ZNF365: variants seen among roughly 807,000 people sequenced by gnomAD.
ZNF365 encodes the protein zinc finger protein 365.
ZNF365 carries 22 observed loss-of-function variants against 35.0 expected under a neutral mutation model. That is an observed-to-expected ratio of 0.63 (90% CI 0.45 to 0.90). The LOEUF (loss-of-function observed/expected upper bound fraction) is 0.90. ZNF365 is among the 40% of genes least tolerant of loss of function. The pLI is 0.00. For missense variants in ZNF365, 448 were observed against 500.3 expected (o/e 0.90, Z 1.00); for synonymous variants, 188 against 196.2 (o/e 0.96, Z 0.35).
rs1839836244 is a variant in ZNF365 at position 62,401,907 on chromosome 10, A to G, written c.*2118A>G. Reference sequence around the variant, plus strand: ...AGACGAATTATTTTGAGATTTGTTTATTATATTAAAATGTTTTTTTACGTT... The same window carrying G: ...AGACGAATTATTTTGAGATTTGTTTGTTATATTAAAATGTTTTTTTACGTT... On this transcript the variant is annotated 3_prime_UTR_variant, in exon 5 of 5. Transcript: ENST00000395254. 3 of 985,138 alleles carry G rather than the reference A, an allele frequency of 3.0e-6. No individual in the cohort carries two copies. The South Asian group carries it at 1.4e-4, about 46-fold the overall frequency. The allele number at this position is 985,138 out of a possible 1,614,324, so 61.0% of individuals were successfully genotyped here.
intron 3 of ZNF365, among the ~76,000 whole-genome samples, chr10:62,418,040 C>T (rs1171295272): frequency 6.6e-6 from 1 of 151,570 alleles, no homozygotes; most frequent in Non-Finnish European, 1.5e-5. Flanking sequence ...ACATAATAAA[C>T]AATTTAAATG....
chr10:62,449,099 A>C (rs1454912791), intron 3 of ZNF365, among the ~76,000 whole-genome samples: 1 of 152,206 alleles, frequency 6.6e-6, no homozygotes, highest in Non-Finnish European at 1.5e-5. Flanking sequence ...GAAAGCTTTC[A>C]ATTATTTGAG....
chr10:62,420,699 T>G (rs7073918), intron 3 of ZNF365, among the ~76,000 whole-genome samples: 49 of 152,228 alleles, frequency 3.2e-4, no homozygotes, highest in African/African-American at 1.2e-3. Context: ...ATGACCTGCC[T>G]TGATTTTCTG....
chr10:62,458,890 T>C (rs1282429287), intron 3 of ZNF365, among the ~76,000 whole-genome samples: 1 of 152,160 alleles, frequency 6.6e-6, no homozygotes, highest in Non-Finnish European at 1.5e-5. Context: ...TATTTGTTTT[T>C]AATACTGAAC....
intron 2 of ZNF365, among the ~76,000 whole-genome samples, chr10:62,381,401 G>A (rs886886643): frequency 1.6e-4 from 25 of 152,208 alleles, no homozygotes; most frequent in African/African-American, 5.3e-4. Flanking sequence ...TAGTAGCAAC[G>A]CTGAACCTGG....
chr10:62,459,860 T>C (rs1472761871), intron 4 of ZNF365: 1 of 1,489,732 alleles, frequency 6.7e-7, no homozygotes, highest in Admixed American at 1.9e-5. Flanking sequence ...CCCATCTGGG[T>C]CCATATGAGA....
chr10:62,427,256 G>A (rs968681222), intron 3 of ZNF365, among the ~76,000 whole-genome samples: 1 of 152,040 alleles, frequency 6.6e-6, no homozygotes, highest in Admixed American at 6.6e-5. Flanking sequence ...CTATGATGGC[G>A]GTCCCATGAG....
chr10:62,426,517 T>A (rs555490086), intron 3 of ZNF365, among the ~76,000 whole-genome samples: 2 of 152,218 alleles, frequency 1.3e-5, no homozygotes, highest in African/African-American at 4.8e-5. Flanking sequence ...GGAGAGGCTC[T>A]GGAAACAAAG....
chr10:62,417,025 T>A (rs1182006036), intron 3 of ZNF365, among the ~76,000 whole-genome samples: 1 of 152,094 alleles, frequency 6.6e-6, no homozygotes, highest in Non-Finnish European at 1.5e-5. Flanking sequence ...GCTATTTTGT[T>A]AGCATAAGAC....
chr10:62,379,562 A>G (rs970022657), intron 2 of ZNF365, among the ~76,000 whole-genome samples: 23 of 152,054 alleles, frequency 1.5e-4, no homozygotes, highest in African/African-American at 5.5e-4. Flanking sequence ...TCTTGTTTCC[A>G]GGGAGGACAC....
At chr10:62,472,516 G>A (rs1158693709) in intron 4 of ZNF365, among the ~76,000 whole-genome samples, 1 of 152,208 alleles carries the variant, frequency 6.6e-6, no homozygotes, top group African/African-American at 2.4e-5. Context: ...ATAATGTGAA[G>A]AGATGTCATT....
At chr10:62,464,774 C>T (rs1408227116) in intron 4 of ZNF365, among the ~76,000 whole-genome samples, 1 of 152,180 alleles carries the variant, frequency 6.6e-6, no homozygotes, top group Non-Finnish European at 1.5e-5. Context: ...ATGTTAGGGA[C>T]ACAATACTCG....
At chr10:62,458,130 C>T (rs1840790460) in intron 3 of ZNF365, among the ~76,000 whole-genome samples, 1 of 152,136 alleles carries the variant, frequency 6.6e-6, no homozygotes, top group African/African-American at 2.4e-5. Flanking sequence ...CTCTGGTCAA[C>T]CTTCTGTTAA....
chr10:62,418,699 AAGC>A (rs1840118746), intron 3 of ZNF365, among the ~76,000 whole-genome samples: 2 of 152,112 alleles, frequency 1.3e-5, no homozygotes, highest in African/African-American at 4.8e-5. Context: ...AAGTCTGTTT[AAGC>A]ATATTCATCT....
At chr10:62,451,309 G>A (rs1162482533) in intron 3 of ZNF365, among the ~76,000 whole-genome samples, 1 of 152,026 alleles carries the variant, frequency 6.6e-6, no homozygotes, top group African/African-American at 2.4e-5. Flanking sequence ...TGTGGTGCCT[G>A]CCTGAGCTTG....
chr10:62,450,630 G>A (rs536942383), intron 3 of ZNF365, among the ~76,000 whole-genome samples: 6 of 152,254 alleles, frequency 3.9e-5, no homozygotes, highest in Non-Finnish European at 7.4e-5. Flanking sequence ...AGTAAAGTTA[G>A]GAGAGGGAAA....
intron 3 of ZNF365, among the ~76,000 whole-genome samples, chr10:62,429,451 T>C (rs1329406177): frequency 6.6e-6 from 1 of 152,210 alleles, no homozygotes; most frequent in Non-Finnish European, 1.5e-5. Context: ...ACACAATGCT[T>C]AACTCTAAGC....
At chr10:62,382,840 G>A (rs1037407744) in intron 2 of ZNF365, among the ~76,000 whole-genome samples, 3 of 152,214 alleles carry the variant, frequency 2.0e-5, no homozygotes, top group African/African-American at 7.2e-5. Flanking sequence ...GTGATCAATA[G>A]CTAGACTATT....
chr10:62,463,159 T>C (rs1365239301), intron 4 of ZNF365, among the ~76,000 whole-genome samples: 2 of 152,148 alleles, frequency 1.3e-5, no homozygotes, highest in Non-Finnish European at 2.9e-5. Flanking sequence ...TTTATTAGGC[T>C]CAAGATGAGC....
Sources: allele counts gnomAD v4.1 joint callset (sites outside exome capture counted in the v4.1 genomes callset), GRCh38; gene constraint gnomAD v4.1.1; transcripts MANE v1.5; gene names NCBI Gene and HGNC (gene_info 2026-07-23, HGNC 2026-07-21).